TJP1: variants seen among roughly 807,000 people sequenced by gnomAD.
TJP1 encodes tight junction protein 1, also known as tight junction protein ZO-1.
A neutral mutation model predicts 194.2 loss-of-function variants in TJP1; 43 were observed. The observed-to-expected ratio is 0.22, with a 90% CI of 0.17 to 0.29. The LOEUF is 0.29. TJP1 is among the 10% of genes least tolerant of loss of function. TJP1 has a pLI of 1.00. For synonymous variants in TJP1, 801 were observed against 779.0 expected (o/e 1.03, Z -0.47); for missense variants, 1,971 against 2,185.7 (o/e 0.90, Z 1.96).
intron 2 of TJP1, among the ~76,000 whole-genome samples, chr15:29,933,729 G>A (rs140991187): frequency 3.9e-5 from 6 of 152,148 alleles, no homozygotes; most frequent in Non-Finnish European, 5.9e-5. Flanking sequence ...TTCTCTGGGC[G>A]AGAAGCCCAG....
At chr15:29,875,110 C>A (rs2052652983) in intron 2 of TJP1, among the ~76,000 whole-genome samples, 1 of 152,214 alleles carries the variant, frequency 6.6e-6, no homozygotes, top group African/African-American at 2.4e-5. Flanking sequence ...ACTCTCCACA[C>A]ACCCACACCC....
At chr15:29,767,327 T>C (rs1370272819) in intron 4 of TJP1, among the ~76,000 whole-genome samples, 1 of 152,302 alleles carries the variant, frequency 6.6e-6, no homozygotes. Flanking sequence ...TCACTGTAGT[T>C]CTACAGGATC....
Position 29,742,760 on chromosome 15 carries a change from C to T in TJP1, c.1032G>A (p.Glu344=), listed in dbSNP as rs867262551. 1 of 1,603,052 alleles carries T rather than the reference C, an allele frequency of 6.2e-7. No homozygotes were observed. The highest frequency in any genetic ancestry group is 8.5e-7 in the Non-Finnish European group (1 of 1,176,014). ...AGACAGCCCCAGGTTTAGAAATTCT[C>T]TCTTCATCTCTACTCCGGAGACTGT... The part of the protein sequence containing the change: ...SNGSLRSRDE[E]RISKPGAVST... Residue 344 remains glutamate, a synonymous_variant, in exon 9 of 28, where the codon GAG becomes GAA. Transcript: ENST00000614355.
intron 2 of TJP1, among the ~76,000 whole-genome samples, chr15:29,862,377 G>T (rs559444414): frequency 6.6e-6 from 1 of 152,182 alleles, no homozygotes; most frequent in South Asian, 2.1e-4. Context: ...ACAAAGTGGG[G>T]GTGAAATCAT....
At chr15:29,911,314 C>T (rs563172214) in intron 2 of TJP1, among the ~76,000 whole-genome samples, 7 of 152,140 alleles carry the variant, frequency 4.6e-5, no homozygotes, top group South Asian at 2.1e-4. Context: ...TCTCAAGAAC[C>T]GGGCAAGGCA....
intron 2 of TJP1, chr15:29,956,182 A>T: frequency 8.9e-7 from 1 of 1,119,724 alleles, no homozygotes; most frequent in South Asian, 2.1e-5. Flanking sequence ...TAAAATAAAA[A>T]CTTTCATACT....
chr15:29,762,543 G>A, intron 5 of TJP1, 105 bp from the exon 6 acceptor site: 1 of 720,016 alleles, frequency 1.4e-6, no homozygotes, highest in Non-Finnish European at 2.2e-6. Context: ...GAGTTTTCAA[G>A]TACAATCAAT....
chr15:29,849,679 G>A (rs574368055), intron 2 of TJP1, among the ~76,000 whole-genome samples: 2 of 151,356 alleles, frequency 1.3e-5, no homozygotes, highest in African/African-American at 2.4e-5. Context: ...TCGGAGGTTC[G>A]GAGGTTGCAA....
chr15:29,851,032 G>A (rs2051624011), intron 2 of TJP1, among the ~76,000 whole-genome samples: 1 of 152,112 alleles, frequency 6.6e-6, no homozygotes, highest in Non-Finnish European at 1.5e-5. Context: ...CAGATACTTG[G>A]GAGGCTGAGG....
chr15:29,908,048 C>CAAAAAAAA lies in TJP1; in HGVS notation c.306+48176_306+48183dup, dbSNP rs1156724424. 8.8e-3 allele frequency among the ~76,000 whole-genome samples: 171 copies of CAAAAAAAA among 19,520 alleles called. 17 individuals are homozygous for CAAAAAAAA. Among genetic ancestry groups the CAAAAAAAA allele is most frequent in the Non-Finnish European group, 0.012 (121 of 10,180 alleles). The allele number at this position is 19,520 out of a possible 152,430, so 12.8% of individuals were successfully genotyped here. Reference sequence around the variant, plus strand: ...AAAGTTGAGAAATTACCTTATAAAGCAAAAAAAAAAAAAAAAAAAAAAAAA... The same window carrying CAAAAAAAA: ...AAAGTTGAGAAATTACCTTATAAAGCAAAAAAAAAAAAAAAAAAAAAAAAAAAAAAAAA... On this transcript the variant is annotated intron_variant, in intron 2 of 28. Transcript: ENST00000356107.
chr15:29,722,010 G>A (rs1049964817), intron 18 of TJP1, among the ~76,000 whole-genome samples: 1 of 152,210 alleles, frequency 6.6e-6, no homozygotes, highest in African/African-American at 2.4e-5. Context: ...GTTCATATGT[G>A]TGCACAAACA....
intron 2 of TJP1, among the ~76,000 whole-genome samples, chr15:29,794,149 A>G (rs2151835430): frequency 1.3e-5 from 2 of 152,044 alleles, no homozygotes; most frequent in East Asian, 3.9e-4. Context: ...TGCTCTGAAA[A>G]TATTTCTTTT....
chr15:29,816,979 G>A (rs993119501), intron 1 of TJP1, among the ~76,000 whole-genome samples: 1 of 152,126 alleles, frequency 6.6e-6, no homozygotes, highest in African/African-American at 2.4e-5. Flanking sequence ...TTAAACTAAA[G>A]AGCTTCTGCA....
chr15:29,856,478 T>C (rs765340198), intron 2 of TJP1, among the ~76,000 whole-genome samples: 1 of 152,176 alleles, frequency 6.6e-6, no homozygotes, highest in African/African-American at 2.4e-5. Flanking sequence ...CTAATGGGTA[T>C]GAAAGCCTTT....
chr15:29,910,647 T>G (rs1471948142), intron 2 of TJP1, among the ~76,000 whole-genome samples: 1 of 152,236 alleles, frequency 6.6e-6, no homozygotes, highest in Non-Finnish European at 1.5e-5. Flanking sequence ...ACTGCACTAA[T>G]AATACTAGTG....
rs1293509513 is a variant in TJP1 at position 29,773,260 on chromosome 15, T to C, written c.182A>G (p.Lys61Arg). The change falls in exon 3 of 28, where the codon AAA becomes AGA. Residue 61 changes from lysine to arginine, a missense_variant. Around this residue, in one of 5 missense-constraint regions of TJP1, gnomAD observed 245 missense variants for 336.6 expected, o/e 0.73. Coordinates refer to ENST00000614355, the MANE Select transcript of TJP1 (RefSeq NM_001330239.4). ...ETSIVISDVL[K>R]GGPAEGQLQE... is the part of the protein sequence containing the mutation. ...TAGCTGTCCTTCAGCTGGTCCTCCT[T>C]TCAGCACATCTGAAATCACTATTGA... The C allele has an allele frequency of 6.2e-7, 1 of 1,613,872 alleles. No homozygotes were observed. Among genetic ancestry groups the C allele is most frequent in the Non-Finnish European group, 8.5e-7 (1 of 1,179,928 alleles).
At chr15:29,754,979 G>A (rs894579011) in intron 8 of TJP1, among the ~76,000 whole-genome samples, 3 of 152,186 alleles carry the variant, frequency 2.0e-5, no homozygotes, top group African/African-American at 7.2e-5. Context: ...GAAAAGGTGT[G>A]TAAATAAAAA....
intron 1 of TJP1, among the ~76,000 whole-genome samples, chr15:29,957,528 C>A (rs749005128): frequency 6.6e-6 from 1 of 152,112 alleles, no homozygotes; most frequent in Non-Finnish European, 1.5e-5. Context: ...TATTGTCCTG[C>A]ACCTTACATT....
intron 2 of TJP1, among the ~76,000 whole-genome samples, chr15:29,844,670 G>T (rs773569636): frequency 3.3e-5 from 5 of 152,338 alleles, no homozygotes; most frequent in Non-Finnish European, 4.4e-5. Context: ...TTCTGGAAAA[G>T]CAGGTTTTGG....
Sources: gnomAD v4.1 joint callset for allele counts (sites outside exome capture counted in the v4.1 genomes callset) on GRCh38, gnomAD v4.1.1 for gene constraint, gnomAD v4.1.1 regional missense constraint, MANE v1.5 for transcripts, NCBI Gene and HGNC (gene_info 2026-07-23, HGNC 2026-07-21) for gene names.